RFX3: variants seen among roughly 807,000 people sequenced by gnomAD.
RFX3 encodes the protein transcription factor RFX3.
A neutral mutation model predicts 98.6 loss-of-function variants in RFX3; 14 were observed. That is an observed-to-expected ratio of 0.14 (90% CI 0.09 to 0.22). The LOEUF (loss-of-function observed/expected upper bound fraction) is 0.22. Ranked by LOEUF, RFX3 falls within the 10% of genes least tolerant of loss-of-function variation. The probability of loss-of-function intolerance (pLI) is 1.00; values close to 1 mark genes in which losing one functional copy is unlikely to be tolerated. For missense variants in RFX3, 639 were observed against 926.9 expected, an observed-to-expected ratio of 0.69 and a Z score of 4.03; for synonymous variants, 383 against 328.4, an observed-to-expected ratio of 1.17 and a Z score of -1.80.
intron 2 of RFX3, among the ~76,000 whole-genome samples, chr9:3,394,367 G>A (rs1840638643): frequency 6.6e-6 from 1 of 152,154 alleles, no homozygotes; most frequent in South Asian, 2.1e-4. Context: ...GGAGGCTGAG[G>A]CAGGAGAATG....
intron 1 of RFX3, among the ~76,000 whole-genome samples, chr9:3,412,974 T>C (rs1471331965): frequency 2.0e-5 from 3 of 152,144 alleles, no homozygotes; most frequent in Non-Finnish European, 4.4e-5. Context: ...ATATGTTTTA[T>C]ATTGAGTCTA....
At chr9:3,287,291 G>A (rs1009832340) in intron 7 of RFX3, among the ~76,000 whole-genome samples, 2 of 151,862 alleles carry the variant, frequency 1.3e-5, no homozygotes, top group Non-Finnish European at 2.9e-5. Context: ...CTATGCAGAG[G>A]CCTCCTTTCT....
At chr9:3,382,339 T>C (rs1839283488) in intron 2 of RFX3, among the ~76,000 whole-genome samples, 1 of 152,190 alleles carries the variant, frequency 6.6e-6, no homozygotes, top group African/African-American at 2.4e-5. Flanking sequence ...CTGTATTCTG[T>C]CCCACATTCA....
At chr9:3,308,181 T>A (rs1429176299) in intron 4 of RFX3, among the ~76,000 whole-genome samples, 5 of 152,156 alleles carry the variant, frequency 3.3e-5, no homozygotes, top group African/African-American at 1.2e-4. Context: ...TCCCTATGAT[T>A]ATCTAACGTT....
rs760883191 is a variant in RFX3, at chr9:3,293,040, G to A, written c.731+37C>T. The A allele has an allele frequency of 4.7e-6, 7 of 1,501,520 alleles. No homozygotes were observed. In the Middle Eastern group the frequency reaches 1.1e-3, roughly 227 times the overall value. 93.0% of individuals were successfully genotyped at this position (1,501,520 alleles called of 1,614,324 possible). On this transcript the variant is annotated intron_variant, in intron 6 of 16. Coordinates refer to ENST00000617270, the MANE Select transcript of RFX3 (RefSeq NM_001282116.2). Reference sequence around the variant, plus strand: ...TATTGAATTGCCCTAGTTTGAAAAAGAGAGATTAGTTTATGATCTTATTTT... The same window carrying A: ...TATTGAATTGCCCTAGTTTGAAAAAAAGAGATTAGTTTATGATCTTATTTT...
intron 1 of RFX3, among the ~76,000 whole-genome samples, chr9:3,520,655 T>G (rs1289068312): frequency 1.3e-5 from 2 of 152,198 alleles, no homozygotes; most frequent in Non-Finnish European, 1.5e-5. Flanking sequence ...TCCAACAGCA[T>G]GAAGTACGGA....
chr9:3,522,816 T>G (rs1258681920), intron 1 of RFX3, among the ~76,000 whole-genome samples: 1 of 152,202 alleles, frequency 6.6e-6, no homozygotes, highest in Non-Finnish European at 1.5e-5. Flanking sequence ...GCCTTTAAGA[T>G]TCATTCATTT....
At chr9:3,475,568 A>T (rs1480239898) in intron 1 of RFX3, among the ~76,000 whole-genome samples, 3 of 152,218 alleles carry the variant, frequency 2.0e-5, no homozygotes, top group Non-Finnish European at 2.9e-5. Flanking sequence ...TGCATATCGC[A>T]TATACAGCGT....
At chr9:3,350,204 T>C (rs115472813) in intron 2 of RFX3, among the ~76,000 whole-genome samples, 3,095 of 152,174 alleles carry the variant, frequency 0.02, 112 homozygotes, top group African/African-American at 0.071. Context: ...GGGAAGAATA[T>C]TTGCAATACT....
rs372096288 is a variant in RFX3 at position 3,465,083 on chromosome 9, A to T, written c.-9+60664T>A. Among the ~76,000 whole-genome samples, 110 of 152,250 alleles carry T rather than the reference A, an allele frequency of 7.2e-4. 1 individual carries two copies. In the South Asian group the frequency reaches 0.022, roughly 30 times the overall value. Reference sequence around the variant, plus strand: ...TTAAAGGGGTGCTTTATTAAAATAGAAGAATCACTAACTCATAACAATATG... The same window carrying T: ...TTAAAGGGGTGCTTTATTAAAATAGTAGAATCACTAACTCATAACAATATG... On this transcript the variant is annotated intron_variant, in intron 1 of 16. Coordinates refer to ENST00000617270, the MANE Select transcript of RFX3 (RefSeq NM_001282116.2).
At chr9:3,314,269 A>C (rs1253312640) in intron 4 of RFX3, among the ~76,000 whole-genome samples, 1 of 152,200 alleles carries the variant, frequency 6.6e-6, no homozygotes, top group Non-Finnish European at 1.5e-5. Flanking sequence ...ATCCAGCCAA[A>C]CTAAGCTTCA....
intron 5 of RFX3, among the ~76,000 whole-genome samples, chr9:3,293,710 G>C (rs1044290381): frequency 6.6e-6 from 1 of 152,072 alleles, no homozygotes; most frequent in Non-Finnish European, 1.5e-5. Flanking sequence ...CCTGGTATGA[G>C]TGTTTATATT....
At chr9:3,474,833 A>C (rs7020943) in intron 1 of RFX3, among the ~76,000 whole-genome samples, 53 of 152,176 alleles carry the variant, frequency 3.5e-4, no homozygotes, top group Middle Eastern at 3.4e-3. Context: ...ATGGTGGCTC[A>C]TGCCTGTAAT....
At position 3,520,109 on chromosome 9, in the gene RFX3, C is replaced by T. The variant is rs549405351; in HGVS notation, c.-9+5638G>A. ...TGAGTGACAGAGCAAAACCCTGTTT[C>T]AAAAAAGGAAAAATCTTAGTGGCAA... On this transcript the variant is annotated intron_variant, in intron 1 of 16. Coordinates refer to ENST00000617270, the MANE Select transcript of RFX3 (RefSeq NM_001282116.2). Among the ~76,000 whole-genome samples, 147 of 151,936 alleles carry T rather than the reference C, an allele frequency of 9.7e-4. 1 individual carries two copies. Among genetic ancestry groups the T allele is most frequent in the African/African-American group, 3.3e-3 (136 of 41,454 alleles).
intron 2 of RFX3, among the ~76,000 whole-genome samples, chr9:3,365,121 G>A (rs1836902831): frequency 6.6e-6 from 1 of 152,036 alleles, no homozygotes; most frequent in Non-Finnish European, 1.5e-5. Flanking sequence ...CCAACATGGT[G>A]AAACCCCGTC....
intron 4 of RFX3, among the ~76,000 whole-genome samples, chr9:3,316,713 G>C (rs1301670425): frequency 1.3e-5 from 2 of 152,260 alleles, no homozygotes; most frequent in African/African-American, 2.4e-5. Context: ...AAAATCACAA[G>C]CATTCCTATA....
intron 1 of RFX3, among the ~76,000 whole-genome samples, chr9:3,504,870 TTATA>T (rs1445755768): frequency 2.6e-5 from 2 of 76,154 alleles, no homozygotes; most frequent in African/African-American, 7.2e-5. Context: ...ATAATATATA[TTATA>T]TATATTATAT....
rs566102814 is a variant in RFX3, at chr9:3,286,455, A to G, written c.851+1676T>C. Among the ~76,000 whole-genome samples the G allele has an allele frequency of 1.2e-3, 183 of 151,952 alleles. 1 individual carries two copies. Among genetic ancestry groups the G allele is most frequent in the African/African-American group, 4.1e-3 (171 of 41,538 alleles). On this transcript the variant is annotated intron_variant, in intron 7 of 16. Coordinates refer to ENST00000617270, the MANE Select transcript of RFX3 (RefSeq NM_001282116.2). ...TAATAAAAAATCTAAAACCTTTAAGATATCTTTTATATAATAGCCAACCTT... is the reference window on the plus strand; with the variant it reads ...TAATAAAAAATCTAAAACCTTTAAGGTATCTTTTATATAATAGCCAACCTT...
intron 2 of RFX3, among the ~76,000 whole-genome samples, chr9:3,387,481 G>T (rs1220387831): frequency 6.6e-6 from 1 of 152,002 alleles, no homozygotes; most frequent in Non-Finnish European, 1.5e-5. Flanking sequence ...CAACAAAAGG[G>T]CCTTAATATT....
Sources: allele counts gnomAD v4.1 joint callset (sites outside exome capture counted in the v4.1 genomes callset), GRCh38; gene constraint gnomAD v4.1.1; transcripts MANE v1.5; gene names NCBI Gene and HGNC (gene_info 2026-07-23, HGNC 2026-07-21).